PARD3B: variants seen among roughly 807,000 people sequenced by gnomAD.
PARD3B encodes partitioning defective 3 homolog B.
A neutral mutation model predicts 130.2 loss-of-function variants in PARD3B; 103 were observed. The observed-to-expected ratio is 0.79, with a 90% confidence interval of 0.67 to 0.93. The LOEUF (loss-of-function observed/expected upper bound fraction) is 0.93, where lower values mean the gene tolerates loss of function less well. Ranked by LOEUF, PARD3B falls within the 40% of genes least tolerant of loss-of-function variation. PARD3B has a pLI of 0.00. For missense variants in PARD3B, 1,609 were observed against 1,499.2 expected, an observed-to-expected ratio of 1.07 and a Z score of -1.21; for synonymous variants, 583 against 553.2, an observed-to-expected ratio of 1.05 and a Z score of -0.76.
intron 3 of PARD3B, among the ~76,000 whole-genome samples, chr2:204,987,325 G>C (rs1446753460): frequency 6.6e-6 from 1 of 152,202 alleles, no homozygotes; most frequent in Non-Finnish European, 1.5e-5. Flanking sequence ...AAACATTTTG[G>C]AAGATATTTT....
At chr2:204,638,186 A>C (rs1484119869) in intron 1 of PARD3B, among the ~76,000 whole-genome samples, 1 of 152,202 alleles carries the variant, frequency 6.6e-6, no homozygotes, top group South Asian at 2.1e-4. Flanking sequence ...TGACTTGTGT[A>C]CTTTACTGAA....
intron 3 of PARD3B, among the ~76,000 whole-genome samples, chr2:204,997,993 T>C (rs973396923): frequency 4.7e-5 from 7 of 149,826 alleles, no homozygotes; most frequent in Non-Finnish European, 8.9e-5. Flanking sequence ...TATACACATA[T>C]AATCAATATT....
chr2:205,040,533 G>A, intron 3 of PARD3B, among the ~76,000 whole-genome samples: 1 of 152,138 alleles, frequency 6.6e-6, no homozygotes, highest in East Asian at 1.9e-4. Context: ...ATTGTTCCAG[G>A]TGCTGACTAG....
At chr2:205,221,827 T>C (rs577411508) in intron 15 of PARD3B, among the ~76,000 whole-genome samples, 23 of 152,250 alleles carry the variant, frequency 1.5e-4, no homozygotes, top group African/African-American at 5.5e-4. Context: ...TTGGTAAAAG[T>C]TTCCAGGTGC....
intron 2 of PARD3B, among the ~76,000 whole-genome samples, chr2:204,863,825 TC>T (rs1036005682): frequency 1.3e-5 from 2 of 152,208 alleles, no homozygotes; most frequent in African/African-American, 4.8e-5. Context: ...CTTTGACTTT[TC>T]CCACAGACAC....
chr2:204,568,954 G>GAAAAAAAAAAA (rs368465299), intron 1 of PARD3B, among the ~76,000 whole-genome samples: 3,307 of 142,926 alleles, frequency 0.023, 143 homozygotes, highest in East Asian at 0.11. Context: ...GACTGTCTCA[G>GAAAAAAAAAAA]GAAAAAAAAA....
chr2:205,206,813 C>G (rs979873008), intron 15 of PARD3B, among the ~76,000 whole-genome samples: 1 of 151,694 alleles, frequency 6.6e-6, no homozygotes, highest in African/African-American at 2.4e-5. Flanking sequence ...ATCAACGAGA[C>G]AGAAAGTCAA....
At chr2:204,584,774 C>G (rs1232237970) in intron 1 of PARD3B, among the ~76,000 whole-genome samples, 4 of 152,086 alleles carry the variant, frequency 2.6e-5, no homozygotes, top group Admixed American at 2.6e-4. Flanking sequence ...ATAGTGGAGA[C>G]CGGATTGAAT....
Position 205,440,418 on chromosome 2 carries a change from T to C in PARD3B, c.2790T>C (p.Leu930=). The C allele has an allele frequency of 3.1e-6, 5 of 1,614,086 alleles. No homozygotes were observed. Among genetic ancestry groups the C allele is most frequent in the Non-Finnish European group, 2.5e-6 (3 of 1,179,970 alleles). ...TAAGGGAAAAGCAGGCAAGAGGTCTTCTTGATTATGCTACTGGTGCAATTG... is the reference window on the plus strand; with the variant it reads ...TAAGGGAAAAGCAGGCAAGAGGTCTCCTTGATTATGCTACTGGTGCAATTG... The part of the protein sequence containing the change: ...QELREKQARG[L]LDYATGAIGS... Residue 930 remains leucine, a synonymous_variant, in exon 20 of 23, where the codon CTT becomes CTC. Transcript: ENST00000406610. The surrounding 1 kb of genome is among the most constrained non-coding windows in gnomAD (Gnocchi z 4.2).
chr2:205,073,953 A>T (rs959868446), intron 4 of PARD3B, among the ~76,000 whole-genome samples: 1 of 152,198 alleles, frequency 6.6e-6, no homozygotes, highest in African/African-American at 2.4e-5. Flanking sequence ...GCCCACACAT[A>T]TTCCTCTTTA....
rs1559061747 is a variant in PARD3B at position 204,689,350 on chromosome 2, A to C, written c.222+3068A>C. 6.6e-6 allele frequency among the ~76,000 whole-genome samples: 1 copy of C among 152,076 alleles called. No individual in the cohort carries two copies. Among genetic ancestry groups the C allele is most frequent in the African/African-American group, 2.4e-5 (1 of 41,402 alleles). On this transcript the variant is annotated intron_variant, in intron 2 of 22. Transcript: ENST00000406610. The surrounding 1 kb of genome is among the most constrained non-coding windows in gnomAD (Gnocchi z 5.2). ...GACCAAGTCTCCACTGTGTTACACTACTTCTAGCCTATATGTGTCAAAATA... is the reference window on the plus strand; with the variant it reads ...GACCAAGTCTCCACTGTGTTACACTCCTTCTAGCCTATATGTGTCAAAATA...
chr2:205,611,317 T>C (rs1288863589), intron 22 of PARD3B, among the ~76,000 whole-genome samples: 1 of 152,184 alleles, frequency 6.6e-6, no homozygotes, highest in Non-Finnish European at 1.5e-5. Context: ...AGAATTGTTT[T>C]AGCAAATGTA....
chr2:205,199,740 G>A (rs556400996), intron 15 of PARD3B, among the ~76,000 whole-genome samples: 2 of 152,134 alleles, frequency 1.3e-5, no homozygotes, highest in East Asian at 3.9e-4. Flanking sequence ...GAGAATGATG[G>A]TCAAACCAAA....
At chr2:204,655,688 A>G (rs2035615735) in intron 1 of PARD3B, among the ~76,000 whole-genome samples, 1 of 152,128 alleles carries the variant, frequency 6.6e-6, no homozygotes, top group African/African-American at 2.4e-5. Context: ...AACATGTACA[A>G]TGGAGACATA....
At chr2:205,166,484 T>A (rs1395262965) in intron 11 of PARD3B, among the ~76,000 whole-genome samples, 2 of 152,204 alleles carry the variant, frequency 1.3e-5, no homozygotes, top group African/African-American at 4.8e-5. Flanking sequence ...AATGGACCTC[T>A]TCACATAAGC....
chr2:204,920,807 T>A (rs1440751608), intron 2 of PARD3B, among the ~76,000 whole-genome samples: 3 of 152,204 alleles, frequency 2.0e-5, no homozygotes, highest in Non-Finnish European at 4.4e-5. Context: ...TGCTCCTTTC[T>A]TCCCCCTTTT....
intron 18 of PARD3B, among the ~76,000 whole-genome samples, chr2:205,310,248 C>A (rs995296039): frequency 2.0e-5 from 3 of 151,766 alleles, no homozygotes; most frequent in African/African-American, 7.3e-5. Context: ...CCACGCCCAG[C>A]TAATTTTTTG....
intron 20 of PARD3B, among the ~76,000 whole-genome samples, chr2:205,486,361 G>A (rs967081301): frequency 2.6e-5 from 4 of 152,182 alleles, no homozygotes; most frequent in Admixed American, 2.6e-4. Context: ...TTGCATCTAG[G>A]CTAATGAGAG....
At chr2:204,832,147 A>G (rs1343542996) in intron 2 of PARD3B, among the ~76,000 whole-genome samples, 1 of 152,106 alleles carries the variant, frequency 6.6e-6, no homozygotes, top group South Asian at 2.1e-4. Flanking sequence ...AATGGCATGA[A>G]CCTGGGAGGC....
Sources: gnomAD v4.1 joint callset for allele counts (sites outside exome capture counted in the v4.1 genomes callset) on GRCh38, gnomAD v4.1.1 for gene constraint, Gnocchi (gnomAD v3.1) non-coding constraint, MANE v1.5 for transcripts, NCBI Gene and HGNC (gene_info 2026-07-23, HGNC 2026-07-21) for gene names.